SNX4: variants seen among roughly 807,000 people sequenced by gnomAD.
SNX4 encodes the protein sorting nexin 4, also known as sorting nexin-4.
A neutral mutation model predicts 70.8 loss-of-function variants in SNX4; 49 were observed. That is an observed-to-expected ratio of 0.69 (90% CI 0.55 to 0.88). The LOEUF (loss-of-function observed/expected upper bound fraction) is 0.88. Ranked by LOEUF, SNX4 falls within the 40% of genes least tolerant of loss-of-function variation. SNX4 has a pLI of 0.00. For missense variants in SNX4, 528 were observed against 544.8 expected (o/e 0.97, Z 0.31); for synonymous variants, 206 against 183.8 (o/e 1.12, Z -0.98).
intron 5 of SNX4, 54 bp from the exon 6 acceptor site, chr3:125,489,517 C>T: frequency 1.4e-6 from 2 of 1,420,090 alleles, no homozygotes; most frequent in East Asian, 2.3e-5. Context: ...GTATAAAATT[C>T]AAACAATTTT....
chr3:125,513,955 C>T (rs191355686), intron 1 of SNX4, among the ~76,000 whole-genome samples: 6 of 152,154 alleles, frequency 3.9e-5, no homozygotes, highest in East Asian at 1.9e-4. Flanking sequence ...TGGCAGATTC[C>T]GCTAGGGTCT....
rs977376064 is a variant in SNX4 at position 125,483,037 on chromosome 3, C to G, written c.654-2718G>C. On this transcript the variant is annotated intron_variant, in intron 6 of 13. Coordinates refer to ENST00000251775, the MANE Select transcript of SNX4 (RefSeq NM_003794.4). ...TGGATAGAGAGGAACAGGAATGAGA[C>G]TTTTCACTGTACAACTTTTCCGTAC... Among the ~76,000 whole-genome samples the G allele has an allele frequency of 4.6e-5, 7 of 151,980 alleles. No individual in the cohort carries two copies. In the East Asian group the frequency reaches 9.6e-4, roughly 21 times the overall value.
At chr3:125,453,716 TG>T in intron 12 of SNX4, 93 bp downstream of exon 12, 1 of 1,209,724 alleles carries the variant, frequency 8.3e-7, no homozygotes, top group Non-Finnish European at 1.1e-6. Flanking sequence ...CCAATGAAGC[TG>T]GGAATTGTTA....
rs112666110 is a variant in SNX4 at position 125,450,831 on chromosome 3, G to A, written c.1305+474C>T. Among the ~76,000 whole-genome samples the A allele has an allele frequency of 7.0e-3, 1,063 of 152,256 alleles. 7 individuals carry two copies. Among genetic ancestry groups the A allele is most frequent in the African/African-American group, 0.021 (859 of 41,532 alleles). On this transcript the variant is annotated intron_variant, in intron 13 of 13. Transcript: ENST00000251775. ...TATTTTCCAATCAAAGCATATACCT[G>A]GAATGGTATTTTACTGTCTGGTCCA...
At chr3:125,485,863 C>A (rs769415965) in intron 6 of SNX4, among the ~76,000 whole-genome samples, 2 of 152,036 alleles carry the variant, frequency 1.3e-5, no homozygotes, top group Non-Finnish European at 2.9e-5. Flanking sequence ...TTTTTTGAGA[C>A]GGAGTCTTGC....
intron 1 of SNX4, among the ~76,000 whole-genome samples, chr3:125,516,231 T>C (rs1935275049): frequency 6.6e-6 from 1 of 152,212 alleles, no homozygotes; most frequent in Admixed American, 6.5e-5. Context: ...GTCTGTTAAC[T>C]GCCAACTCAA....
intron 1 of SNX4, among the ~76,000 whole-genome samples, chr3:125,506,332 CT>C (rs1935041888): frequency 6.7e-6 from 1 of 148,956 alleles, no homozygotes; most frequent in Non-Finnish European, 1.5e-5. Flanking sequence ...GACTTTATCC[CT>C]TTTTTCATTT....
chr3:125,460,698 G>T, intron 10 of SNX4, 73 bp downstream of exon 10: 1 of 648,540 alleles, frequency 1.5e-6, no homozygotes, highest in African/African-American at 1.9e-5. Context: ...TCTACTATCT[G>T]TACTTTACAG....
intron 5 of SNX4, among the ~76,000 whole-genome samples, chr3:125,492,204 A>G (rs1385388124): frequency 1.3e-5 from 2 of 151,308 alleles, no homozygotes; most frequent in Non-Finnish European, 2.9e-5. Context: ...CTGTGGCAAC[A>G]CTTTTACCTG....
chr3:125,478,157 G>A (rs576170525), intron 7 of SNX4, among the ~76,000 whole-genome samples: 368 of 151,914 alleles, frequency 2.4e-3, no homozygotes, highest in African/African-American at 8.5e-3. Flanking sequence ...TCAGCTCACT[G>A]CAATCTCTGC....
At chr3:125,510,904 T>A (rs531238299) in intron 1 of SNX4, among the ~76,000 whole-genome samples, 1 of 152,212 alleles carries the variant, frequency 6.6e-6, no homozygotes, top group South Asian at 2.1e-4. Flanking sequence ...AAATTTTATA[T>A]CATATATATT....
chr3:125,495,275 T>TATATATATACACACACAC lies in SNX4; in HGVS notation c.597+2065_597+2066insGTGTGTGTGTATATATAT. Reference sequence around the variant, plus strand: ...TTATATATATATATATATATATATATATACACATACACACACACACACGTA... The same window carrying TATATATATACACACACAC: ...TTATATATATATATATATATATATATATATATATACACACACACATACACATACACACACACACACGTA... On this transcript the variant is annotated intron_variant, in intron 5 of 13. Transcript: ENST00000251775. 6.7e-4 allele frequency among the ~76,000 whole-genome samples: 56 copies of TATATATATACACACACAC among 83,060 alleles called. 2 individuals carry two copies. The highest frequency in any genetic ancestry group is 1.4e-3 in the African/African-American group (40 of 27,588). The allele number at this position is 83,060 out of a possible 152,430, so 54.5% of individuals were successfully genotyped here. A position where few individuals can be genotyped will look rare whatever the true frequency, so the allele number is the denominator to read the frequency against.
chr3:125,510,112 T>C (rs1935138775), intron 1 of SNX4, among the ~76,000 whole-genome samples: 1 of 152,138 alleles, frequency 6.6e-6, no homozygotes, highest in African/African-American at 2.4e-5. Flanking sequence ...CTGCCTAATA[T>C]ATCCAAAAGA....
chr3:125,518,132 G>T (rs965808516), intron 1 of SNX4, among the ~76,000 whole-genome samples: 6 of 152,044 alleles, frequency 3.9e-5, no homozygotes, highest in Non-Finnish European at 7.4e-5. Context: ...AACATAAACA[G>T]ATTTTATATT....
Position 125,488,392 on chromosome 3 carries a change from T to C in SNX4, c.653+1016A>G, listed in dbSNP as rs139342296. 8.4e-3 allele frequency among the ~76,000 whole-genome samples: 1,274 copies of C among 152,038 alleles called. 15 individuals carry two copies. Among genetic ancestry groups the C allele is most frequent in the African/African-American group, 0.027 (1,125 of 41,496 alleles). On this transcript the variant is annotated intron_variant, in intron 6 of 13. Coordinates refer to ENST00000251775, the MANE Select transcript of SNX4 (RefSeq NM_003794.4). ...CGGGAGGCGGAGGCAGGAGAATTGATTGAACCCGGGAGGCAGAGGTTGCAG... is the reference window on the plus strand; with the variant it reads ...CGGGAGGCGGAGGCAGGAGAATTGACTGAACCCGGGAGGCAGAGGTTGCAG...
chr3:125,507,428 G>A (rs564288437), intron 1 of SNX4, among the ~76,000 whole-genome samples: 1 of 152,172 alleles, frequency 6.6e-6, no homozygotes, highest in African/African-American at 2.4e-5. Context: ...GGACCAACAT[G>A]TGCACTGTGG....
intron 12 of SNX4, among the ~76,000 whole-genome samples, chr3:125,451,628 C>T (rs1349245068): frequency 1.3e-5 from 2 of 151,820 alleles, no homozygotes; most frequent in African/African-American, 2.4e-5. Flanking sequence ...TTTTAATCTA[C>T]TTTTTCTTTT....
At chr3:125,508,491 C>T (rs565942006) in intron 1 of SNX4, among the ~76,000 whole-genome samples, 7 of 151,166 alleles carry the variant, frequency 4.6e-5, no homozygotes, top group Middle Eastern at 3.4e-3. Context: ...GGCGTGAACC[C>T]GGGAGGCGGA....
intron 13 of SNX4, among the ~76,000 whole-genome samples, chr3:125,448,291 A>AT (rs1383620309): frequency 4.1e-5 from 6 of 147,908 alleles, no homozygotes; most frequent in African/African-American, 1.0e-4. Flanking sequence ...CACCTGGCTT[A>AT]TTTTTTGTAT....
Sources: gnomAD v4.1 joint callset for allele counts (sites outside exome capture counted in the v4.1 genomes callset) on GRCh38, gnomAD v4.1.1 for gene constraint, MANE v1.5 for transcripts, NCBI Gene and HGNC (gene_info 2026-07-23, HGNC 2026-07-21) for gene names.